ATXN3: variants seen among roughly 807,000 people sequenced by gnomAD.
The protein encoded by ATXN3 is ataxin 3.
A neutral mutation model predicts 58.2 loss-of-function variants in ATXN3; 28 were observed. That is an observed-to-expected ratio of 0.48 (90% CI 0.36 to 0.66). The LOEUF is 0.66. Ranked by LOEUF, ATXN3 falls within the 30% of genes least tolerant of loss-of-function variation. The pLI, the probability that ATXN3 is intolerant of heterozygous loss-of-function variation, is 0.00. For missense variants in ATXN3, 321 were observed against 422.1 expected, an observed-to-expected ratio of 0.76 and a Z score of 2.10; for synonymous variants, 113 against 138.5, an observed-to-expected ratio of 0.82 and a Z score of 1.29.
intron 6 of ATXN3, among the ~76,000 whole-genome samples, chr14:92,087,950 T>C (rs7155871): frequency 0.28 from 42,811 of 151,892 alleles, 6,325 homozygotes; most frequent in East Asian, 0.44. Context: ...ATAAAAGTAG[T>C]TGAAGTAGAG....
chr14:92,068,129 G>A lies in ATXN3; in HGVS notation c.991+2806C>T, dbSNP rs1457868008. Among the ~76,000 whole-genome samples, 3 of 152,142 alleles carry A rather than the reference G, an allele frequency of 2.0e-5. No individual in the cohort carries two copies. In the South Asian group the frequency reaches 6.2e-4, roughly 31 times the overall value. On this transcript the variant is annotated intron_variant, in intron 10 of 10. Coordinates refer to ENST00000644486, the MANE Select transcript of ATXN3 (RefSeq NM_004993.6). ...AGAGATGCCTATGTATTACTGGGTG[G>A]AAGTTCAGCCTCCCTGTGACCACTG...
chr14:92,096,340 G>GT (rs2141135517), intron 2 of ATXN3: 1 of 1,440,786 alleles, frequency 6.9e-7, no homozygotes, highest in South Asian at 1.4e-5. Context: ...TAAAAGAAAT[G>GT]TAAGCCGGGT....
At chr14:92,069,607 AGGTATCTGCCAACCT>A in intron 10 of ATXN3, among the ~76,000 whole-genome samples, 1 of 151,876 alleles carries the variant, frequency 6.6e-6, no homozygotes, top group African/African-American at 2.4e-5. Context: ...ACTTGACTTC[AGGTATCTGCCAACCT>A]CGGCCTCCCA....
chr14:92,096,541 T>C (rs1198319824), intron 2 of ATXN3, 133 bp downstream of exon 2: 3 of 955,984 alleles, frequency 3.1e-6, no homozygotes. Context: ...GGAGAATCGC[T>C]TGAACCCGGG....
chr14:92,097,351 T>C (rs2065651685), intron 1 of ATXN3, among the ~76,000 whole-genome samples: 2 of 149,958 alleles, frequency 1.3e-5, no homozygotes, highest in Admixed American at 6.6e-5. Context: ...CCTCAGCCTC[T>C]CAAGTAGCTG....
At chr14:92,097,019 T>G in intron 1 of ATXN3, 181 bp from the exon 2 acceptor site, 2 of 528,608 alleles carry the variant, frequency 3.8e-6, no homozygotes, top group Non-Finnish European at 6.8e-6. Flanking sequence ...GCCATTCTCC[T>G]GCCTCAGCCT....
At chr14:92,064,466 G>T in intron 10 of ATXN3, 52 bp from the exon 11 acceptor site, 1 of 1,333,606 alleles carries the variant, frequency 7.5e-7, no homozygotes, top group African/African-American at 1.5e-5. Context: ...AATTCTCAAA[G>T]TCATCAAAAG....
At chr14:92,087,619 T>C (rs1304897880) in intron 6 of ATXN3, among the ~76,000 whole-genome samples, 1 of 152,142 alleles carries the variant, frequency 6.6e-6, no homozygotes, top group East Asian at 1.9e-4. Flanking sequence ...TCAAGTATGA[T>C]GGAGGGAGAG....
chr14:92,077,523 A>AT (rs2140543172), intron 9 of ATXN3: 1 of 151,586 alleles, frequency 6.6e-6, no homozygotes, highest in South Asian at 2.1e-4. Flanking sequence ...ATTTTTGTGT[A>AT]TTTTTTAGTA....
chr14:92,086,691 C>G (rs1190347432), intron 6 of ATXN3, among the ~76,000 whole-genome samples: 1 of 151,588 alleles, frequency 6.6e-6, no homozygotes, highest in African/African-American at 2.4e-5. Context: ...AGAAGGCACA[C>G]TAGAGACAAT....
In ATXN3 at chr14:92,088,821, GA is replaced by G. The variant is rs768859725; in HGVS notation, c.388-5del. On this transcript the variant is annotated splice_polypyrimidine_tract_variant and splice_region_variant and intron_variant, in intron 5 of 10. Coordinates refer to ENST00000644486, the MANE Select transcript of ATXN3 (RefSeq NM_004993.6). ...AGAGAGAATTCAAGTTAAACCACTGGAAAAAAATTGTCAATATTTAAGTTAG... is the reference window on the plus strand; with the variant it reads ...AGAGAGAATTCAAGTTAAACCACTGGAAAAAATTGTCAATATTTAAGTTAG... 4 of 1,571,136 alleles carry G rather than the reference GA, an allele frequency of 2.5e-6. No individual in the cohort carries two copies. Among genetic ancestry groups the G allele is most frequent in the African/African-American group, 1.4e-5 (1 of 73,776 alleles).
chr14:92,075,332 T>C (rs1420224624), intron 9 of ATXN3, among the ~76,000 whole-genome samples: 1 of 152,018 alleles, frequency 6.6e-6, no homozygotes, highest in African/African-American at 2.4e-5. Flanking sequence ...ACTCGGCTAA[T>C]TTTTTTGTAT....
upstream of ATXN3, among the ~76,000 whole-genome samples, chr14:92,051,714 C>CTTTTTTTT (rs1309210142): frequency 2.8e-5 from 1 of 35,296 alleles, no homozygotes; most frequent in Non-Finnish European, 6.7e-5. Flanking sequence ...TCTTCTTTTC[C>CTTTTTTTT]TTTCTTTTTT....
At chr14:92,068,958 C>T (rs1403564572) in intron 10 of ATXN3, among the ~76,000 whole-genome samples, 1 of 152,132 alleles carries the variant, frequency 6.6e-6, no homozygotes, top group Non-Finnish European at 1.5e-5. Flanking sequence ...GAAAAAAGTA[C>T]CAGTTCATTC....
chr14:92,055,797 C>A (rs2140165317), downstream of ATXN3, among the ~76,000 whole-genome samples: 1 of 152,260 alleles, frequency 6.6e-6, no homozygotes, highest in South Asian at 2.1e-4. The surrounding 1 kb of genome is among the most constrained non-coding windows in gnomAD (Gnocchi z 4.5). Context: ...TGCGTCTCTA[C>A]TAAAAATACA....
At chr14:92,080,028 G>A (rs1170827045) in intron 9 of ATXN3, among the ~76,000 whole-genome samples, 2 of 151,880 alleles carry the variant, frequency 1.3e-5, no homozygotes, top group Non-Finnish European at 2.9e-5. Context: ...GTAAGCCACC[G>A]TGCCCAGCCT....
intron 10 of ATXN3, among the ~76,000 whole-genome samples, chr14:92,068,749 C>T (rs939034410): frequency 6.6e-6 from 1 of 152,128 alleles, no homozygotes; most frequent in Non-Finnish European, 1.5e-5. Context: ...CGCCACCATG[C>T]CCGACTAATC....
At chr14:92,067,521 C>T (rs1379617800) in intron 10 of ATXN3, among the ~76,000 whole-genome samples, 1 of 152,100 alleles carries the variant, frequency 6.6e-6, no homozygotes, top group Non-Finnish European at 1.5e-5. Flanking sequence ...CTTAGCCTTC[C>T]CAGTAGCTGG....
chr14:92,106,358 A>T (rs1192064479), intron 1 of ATXN3, among the ~76,000 whole-genome samples, 171 bp downstream of exon 1: 1 of 151,258 alleles, frequency 6.6e-6, no homozygotes, highest in African/African-American at 2.4e-5. Flanking sequence ...GGCGTAGGTG[A>T]TGCTCCCCTC....
Sources: allele counts gnomAD v4.1 joint callset (sites outside exome capture counted in the v4.1 genomes callset), GRCh38; gene constraint gnomAD v4.1.1; non-coding constraint Gnocchi (gnomAD v3.1); transcripts MANE v1.5; gene names NCBI Gene and HGNC (gene_info 2026-07-23, HGNC 2026-07-21).